HDAC9: variants seen among roughly 807,000 people sequenced by gnomAD.
The protein encoded by HDAC9 is histone deacetylase 9.
Under a neutral mutation model 139.4 loss-of-function variants are expected in HDAC9, and 41 were observed. The ratio of observed to expected loss-of-function variants is 0.29; its 90% CI spans 0.23 to 0.38. The LOEUF is 0.38. Among genes scored for constraint, HDAC9 ranks in the 10% least tolerant of loss-of-function variants. The pLI, the probability that HDAC9 is intolerant of heterozygous loss-of-function variation, is 1.00. For missense variants in HDAC9, 1,147 were observed against 1,297.0 expected, an observed-to-expected ratio of 0.88 and a Z score of 1.78; for synonymous variants, 517 against 476.2, an observed-to-expected ratio of 1.09 and a Z score of -1.12.
chr7:18,446,488 C>T (rs1336843668), intron 1 of HDAC9, among the ~76,000 whole-genome samples: 2 of 152,160 alleles, frequency 1.3e-5, no homozygotes, highest in African/African-American at 4.8e-5. Flanking sequence ...AATGCTGCTT[C>T]TCATATAACG....
intron 11 of HDAC9, among the ~76,000 whole-genome samples, chr7:18,657,567 G>T (rs2129053007): frequency 6.6e-6 from 1 of 152,138 alleles, no homozygotes; most frequent in East Asian, 1.9e-4. Context: ...TTTTTAAAAG[G>T]ACATAAAATT....
rs1258210604 is a variant in HDAC9 at position 18,976,050 on chromosome 7, C to G, written c.3170+97C>G. The G allele has an allele frequency of 3.9e-6, 5 of 1,266,410 alleles. No individual in the cohort carries two copies. In the East Asian group the frequency reaches 1.0e-4, roughly 25 times the overall value. The allele number at this position is 1,266,410 out of a possible 1,614,324, so 78.4% of individuals were successfully genotyped here. On this transcript the variant is annotated intron_variant, in intron 25 of 25. Transcript: ENST00000686413. ...CCTCCTGGCTTTCCTTCACCTGTCT[C>G]CTCCACTTCCACCACCTGTCCTCTC...
chr7:18,950,442 A>G (rs778720431), intron 23 of HDAC9, among the ~76,000 whole-genome samples: 1 of 152,152 alleles, frequency 6.6e-6, no homozygotes, highest in Non-Finnish European at 1.5e-5. Flanking sequence ...TTACAGCAGG[A>G]AACCAAGAGG....
intron 1 of HDAC9, among the ~76,000 whole-genome samples, chr7:18,332,026 A>C (rs1369425809): frequency 3.3e-5 from 5 of 151,658 alleles, no homozygotes; most frequent in Non-Finnish European, 1.5e-5. Flanking sequence ...TCTGTCAAGC[A>C]CAATATACTT....
intron 9 of HDAC9, among the ~76,000 whole-genome samples, chr7:18,647,459 T>A (rs537535515): frequency 1.3e-5 from 2 of 152,296 alleles, no homozygotes; most frequent in South Asian, 4.1e-4. Flanking sequence ...TTAACTGTAG[T>A]CATCATCATG....
chr7:18,811,876 AAGAG>A (rs1375161285), intron 17 of HDAC9, among the ~76,000 whole-genome samples: 1 of 151,184 alleles, frequency 6.6e-6, no homozygotes, highest in Non-Finnish European at 1.5e-5. Context: ...GAGAGAGAGA[AAGAG>A]AGAGAGACAA....
At chr7:18,789,212 TCTTCTATATCC>T (rs1792081959) in intron 16 of HDAC9, among the ~76,000 whole-genome samples, 1 of 151,966 alleles carries the variant, frequency 6.6e-6, no homozygotes, top group South Asian at 2.1e-4. Flanking sequence ...TCTTTACCTT[TCTTCTATATCC>T]ATCCTAATCT....
intron 1 of HDAC9, chr7:18,327,397 A>G (rs990348945): frequency 6.6e-6 from 1 of 151,936 alleles, no homozygotes; most frequent in African/African-American, 2.4e-5. Context: ...TTCAGTAAAT[A>G]TTTGTTAGAA....
chr7:18,352,240 C>T (rs949152079), intron 1 of HDAC9, among the ~76,000 whole-genome samples: 2 of 151,976 alleles, frequency 1.3e-5, no homozygotes. Flanking sequence ...ATAAATAGGC[C>T]CTCCAACCAA....
chr7:18,483,826 A>T (rs1351240809), intron 1 of HDAC9, among the ~76,000 whole-genome samples: 4 of 152,190 alleles, frequency 2.6e-5, no homozygotes, highest in African/African-American at 9.7e-5. Flanking sequence ...ATGACTGTCT[A>T]AACATTGTGT....
chr7:18,875,976 C>G (rs965308569), intron 22 of HDAC9, among the ~76,000 whole-genome samples: 1 of 152,104 alleles, frequency 6.6e-6, no homozygotes, highest in Non-Finnish European at 1.5e-5. Context: ...GAATCTCACT[C>G]AGAAGAGAGG....
chr7:18,516,187 C>T (rs1452114651), intron 2 of HDAC9, among the ~76,000 whole-genome samples: 1 of 152,122 alleles, frequency 6.6e-6, no homozygotes, highest in Non-Finnish European at 1.5e-5. Flanking sequence ...ATTGTGTCAT[C>T]CTAATTTATT....
At chr7:18,852,230 A>G (rs1483809127) in intron 21 of HDAC9, among the ~76,000 whole-genome samples, 1 of 152,326 alleles carries the variant, frequency 6.6e-6, no homozygotes, top group South Asian at 2.1e-4. Context: ...GCTGGGAGTG[A>G]GAATCACTAC....
At chr7:18,674,316 T>C (rs918945798) in intron 12 of HDAC9, among the ~76,000 whole-genome samples, 3 of 152,102 alleles carry the variant, frequency 2.0e-5, no homozygotes, top group African/African-American at 7.2e-5. Context: ...TCCCATTTTC[T>C]GTGGTCAACC....
chr7:18,194,880 A>G (rs1790617720), intron 2 of HDAC9, among the ~76,000 whole-genome samples: 1 of 152,150 alleles, frequency 6.6e-6, no homozygotes, highest in Non-Finnish European at 1.5e-5. Context: ...TGAATAGACA[A>G]TTCCAGGAAA....
At chr7:18,766,525 A>C (rs1789845282) in intron 15 of HDAC9, among the ~76,000 whole-genome samples, 1 of 152,158 alleles carries the variant, frequency 6.6e-6, no homozygotes, top group African/African-American at 2.4e-5. Flanking sequence ...AAAATTGTGG[A>C]TGTTAGAAGT....
intron 2 of HDAC9, among the ~76,000 whole-genome samples, chr7:18,190,006 C>T (rs1446554534): frequency 4.6e-5 from 7 of 152,172 alleles, no homozygotes; most frequent in South Asian, 4.1e-4. Context: ...GTGGCACGAT[C>T]TCAGCTCACT....
At chr7:18,655,567 A>T (rs185114037) in intron 11 of HDAC9, among the ~76,000 whole-genome samples, 16 of 152,302 alleles carry the variant, frequency 1.1e-4, no homozygotes, top group African/African-American at 3.6e-4. Context: ...TTACAAGTTG[A>T]TGGTTTCTAA....
At chr7:18,700,277 C>A (rs1194708337) in intron 12 of HDAC9, among the ~76,000 whole-genome samples, 15 of 152,192 alleles carry the variant, frequency 9.9e-5, no homozygotes, top group Non-Finnish European at 4.4e-5. Flanking sequence ...CCTAGAATTT[C>A]TGTGAAATGC....
Sources: allele counts gnomAD v4.1 joint callset (sites outside exome capture counted in the v4.1 genomes callset), GRCh38; gene constraint gnomAD v4.1.1; transcripts MANE v1.5; gene names NCBI Gene and HGNC (gene_info 2026-07-23, HGNC 2026-07-21).